ZNF516: variants seen among roughly 807,000 people sequenced by gnomAD.
ZNF516 encodes the protein zinc finger protein 516.
In ZNF516, 19 loss-of-function variants were observed where a neutral mutation model predicts 79.7. That is an observed-to-expected ratio of 0.24 (90% CI 0.17 to 0.35). The LOEUF is 0.35. ZNF516 is among the 10% of genes least tolerant of loss of function. ZNF516 has a pLI of 1.00. For missense variants in ZNF516, 1,678 were observed against 1,679.5 expected, an observed-to-expected ratio of 1.00 and a Z score of 0.02; for synonymous variants, 877 against 739.5, an observed-to-expected ratio of 1.19 and a Z score of -3.02.
At chr18:76,419,049 C>T (rs866529449) in intron 3 of ZNF516, among the ~76,000 whole-genome samples, 6 of 152,202 alleles carry the variant, frequency 3.9e-5, no homozygotes, top group Non-Finnish European at 8.8e-5. Context: ...CACCATCTCA[C>T]CAATAAAACA....
intron 2 of ZNF516, among the ~76,000 whole-genome samples, chr18:76,447,102 A>G: frequency 6.6e-6 from 1 of 152,218 alleles, no homozygotes; most frequent in East Asian, 1.9e-4. Context: ...TCAGTGGCCA[A>G]ATCAAAAGAT....
At chr18:76,415,613 G>A (rs2075423886) in intron 3 of ZNF516, among the ~76,000 whole-genome samples, 1 of 152,178 alleles carries the variant, frequency 6.6e-6, no homozygotes, top group Non-Finnish European at 1.5e-5. Flanking sequence ...GAGGAGTCGG[G>A]GTTCTCGGGG....
At position 76,451,137 on chromosome 18, in the gene ZNF516, A is replaced by G. The variant is rs1397468458; in HGVS notation, c.-157-7926T>C. 6.6e-6 allele frequency among the ~76,000 whole-genome samples: 1 copy of G among 152,178 alleles called. No homozygotes were observed. The highest frequency in any genetic ancestry group is 6.5e-5 in the Admixed American group (1 of 15,282). ...CCCCACAAGCAGCATGTGTCAGGGG[A>G]GGGAAGCAAAGCTGAAGTGGGTGCT... is the stretch of plus-strand genomic sequence containing the variant. On this transcript the variant is annotated intron_variant, in intron 2 of 6. Transcript: ENST00000443185. This position sits in a 1 kb window ranked among gnomAD's most constrained non-coding sequence, Gnocchi z 6.0.
At chr18:76,430,185 T>C (rs1296210768) in intron 3 of ZNF516, among the ~76,000 whole-genome samples, 1 of 152,230 alleles carries the variant, frequency 6.6e-6, no homozygotes, top group Admixed American at 6.5e-5. Flanking sequence ...TTCAGTCTCA[T>C]GGCCCTGGAC....
At chr18:76,365,690 A>C (rs1459844688) in intron 6 of ZNF516, among the ~76,000 whole-genome samples, 1 of 152,216 alleles carries the variant, frequency 6.6e-6, no homozygotes, top group East Asian at 1.9e-4. Flanking sequence ...TCTTAATCCA[A>C]AACACAGTAA....
At chr18:76,396,506 C>T (rs535915005) in intron 3 of ZNF516, among the ~76,000 whole-genome samples, 34 of 152,184 alleles carry the variant, frequency 2.2e-4, no homozygotes, top group South Asian at 1.5e-3. Flanking sequence ...GACTAGTTAA[C>T]AAAAAACTGG....
intron 1 of ZNF516, among the ~76,000 whole-genome samples, chr18:76,474,258 T>C (rs1036058030): frequency 6.6e-6 from 1 of 152,204 alleles, no homozygotes; most frequent in Non-Finnish European, 1.5e-5. Context: ...ATCTAATATA[T>C]GAGTATCACA....
rs9972978 is a variant in ZNF516, at chr18:76,389,885, G to A, written c.1811-9582C>T. Among the ~76,000 whole-genome samples the A allele has an allele frequency of 1.8e-4, 28 of 152,296 alleles. No homozygotes were observed. In the South Asian group the frequency reaches 5.4e-3, roughly 29 times the overall value. ...GAAAAGGCTGTTTCCTAAGAGTCTC[G>A]TTGCTAGTCCTGCTCGGTCACATGA... On this transcript the variant is annotated intron_variant, in intron 3 of 6. Transcript: ENST00000443185.
intron 2 of ZNF516, among the ~76,000 whole-genome samples, chr18:76,446,981 G>T (rs1568302101): frequency 6.6e-6 from 1 of 152,196 alleles, no homozygotes; most frequent in Non-Finnish European, 1.5e-5. Flanking sequence ...CTGCCCAGGG[G>T]TTGATTAAGT....
intron 2 of ZNF516, among the ~76,000 whole-genome samples, chr18:76,462,457 G>A (rs950491132): frequency 5.9e-5 from 9 of 152,180 alleles, no homozygotes; most frequent in East Asian, 5.8e-4. Flanking sequence ...AGAGATTAGC[G>A]GTCCACCTCA....
chr18:76,471,959 C>T lies in ZNF516; in HGVS notation c.-271-8818G>A, dbSNP rs192742673. 3.4e-3 allele frequency among the ~76,000 whole-genome samples: 523 copies of T among 152,286 alleles called. 3 individuals are homozygous for T. Among genetic ancestry groups the T allele is most frequent in the Middle Eastern group, 0.031 (9 of 294 alleles). Reference sequence around the variant, plus strand: ...CAACAGCTGCCCTGCACCCTCCCTCCCTCTCAACGCATCCAGTGGATGGAC... The same window carrying T: ...CAACAGCTGCCCTGCACCCTCCCTCTCTCTCAACGCATCCAGTGGATGGAC... On this transcript the variant is annotated intron_variant, in intron 1 of 6. Transcript: ENST00000443185.
intron 6 of ZNF516, among the ~76,000 whole-genome samples, chr18:76,369,610 C>T (rs2074670036): frequency 6.6e-6 from 1 of 152,110 alleles, no homozygotes; most frequent in Admixed American, 6.5e-5. Flanking sequence ...GTCTTGAGAT[C>T]CCTTGGAGGT....
intron 2 of ZNF516, among the ~76,000 whole-genome samples, chr18:76,444,274 C>CTCTGCTCA (rs1196888621): frequency 4.6e-5 from 7 of 152,334 alleles, no homozygotes; most frequent in East Asian, 3.9e-4. Context: ...CGGGGACAGG[C>CTCTGCTCA]TCTGCTCATC....
At chr18:76,388,692 A>G (rs2075026877) in intron 3 of ZNF516, 1 of 152,238 alleles carries the variant, frequency 6.6e-6, no homozygotes, top group Admixed American at 6.5e-5. Flanking sequence ...AAGGCTTGAA[A>G]CTAACAAGAT....
Position 76,391,580 on chromosome 18 carries a change from C to T in ZNF516, c.1811-11277G>A, listed in dbSNP as rs546062566. On this transcript the variant is annotated intron_variant, in intron 3 of 6. Transcript: ENST00000443185. ...GCTCCCTCTGTCGCTGTGGACTTGC[C>T]CGCAGCCAGGTCCTCCTGCAAACCT... Among the ~76,000 whole-genome samples the T allele has an allele frequency of 8.5e-5, 13 of 152,322 alleles. No individual in the cohort carries two copies. In the South Asian group the frequency reaches 2.3e-3, roughly 27 times the overall value.
At chr18:76,475,532 T>C (rs191293634) in intron 1 of ZNF516, among the ~76,000 whole-genome samples, 3 of 152,322 alleles carry the variant, frequency 2.0e-5, no homozygotes, top group African/African-American at 7.2e-5. Flanking sequence ...CAAACTCGTA[T>C]ATTAGTAAAG....
intron 1 of ZNF516, among the ~76,000 whole-genome samples, chr18:76,489,985 TAGA>T (rs1388345959): frequency 6.6e-6 from 1 of 152,220 alleles, no homozygotes; most frequent in Non-Finnish European, 1.5e-5. Context: ...ATTATTTTTT[TAGA>T]AGGTTAATGC....
chr18:76,372,209 A>T (rs2074719793), intron 4 of ZNF516, among the ~76,000 whole-genome samples: 1 of 152,226 alleles, frequency 6.6e-6, no homozygotes, highest in Non-Finnish European at 1.5e-5. Context: ...TTCCCCAAAG[A>T]TCATGCCACA....
intron 3 of ZNF516, among the ~76,000 whole-genome samples, chr18:76,431,749 T>C (rs1458590943): frequency 3.3e-5 from 5 of 152,208 alleles, no homozygotes; most frequent in Admixed American, 1.3e-4. Context: ...TCTTCCACCA[T>C]GATCCTAAGC....
Sources: allele counts gnomAD v4.1 joint callset (sites outside exome capture counted in the v4.1 genomes callset), GRCh38; gene constraint gnomAD v4.1.1; non-coding constraint Gnocchi (gnomAD v3.1); transcripts MANE v1.5; gene names NCBI Gene and HGNC (gene_info 2026-07-23, HGNC 2026-07-21).